The following DEUP1 variants were observed in gnomAD, a reference collection of about 807,000 sequenced individuals.
The protein encoded by DEUP1 is deuterosome assembly protein 1, also known as coiled-coil domain containing 67.
DEUP1 carries 82 observed loss-of-function variants against 87.4 expected under a neutral mutation model. The observed-to-expected ratio is 0.94, with a 90% CI of 0.78 to 1.13. The LOEUF (loss-of-function observed/expected upper bound fraction) is 1.13, where lower values mean the gene tolerates loss of function less well. Among genes scored for constraint, DEUP1 ranks in the 50% most tolerant of loss-of-function variants. The pLI is 0.00. For synonymous variants in DEUP1, 214 were observed against 222.7 expected, an observed-to-expected ratio of 0.96 and a Z score of 0.35; for missense variants, 663 against 681.5, an observed-to-expected ratio of 0.97 and a Z score of 0.30.
intron 13 of DEUP1, among the ~76,000 whole-genome samples, chr11:93,431,095 CAAAAAAA>C (rs10534401): frequency 2.7e-5 from 3 of 112,628 alleles, no homozygotes; most frequent in Non-Finnish European, 3.6e-5. Context: ...AACACTGTCT[CAAAAAAA>C]AAAAAAAAAA....
intron 4 of DEUP1, 137 bp downstream of exon 4, chr11:93,357,180 C>T (rs1005825746): frequency 8.3e-6 from 5 of 599,566 alleles, no homozygotes; most frequent in Non-Finnish European, 1.4e-5. Context: ...CATGTCTTTC[C>T]CTGTTTTATA....
At chr11:93,413,187 G>A (rs1947493112) in intron 12 of DEUP1, among the ~76,000 whole-genome samples, 1 of 151,080 alleles carries the variant, frequency 6.6e-6, no homozygotes, top group Non-Finnish European at 1.5e-5. Flanking sequence ...TGAACCATTA[G>A]TAAAAATAAA....
At chr11:93,357,108 G>T in intron 4 of DEUP1, 65 bp downstream of exon 4, 2 of 971,570 alleles carry the variant, frequency 2.1e-6, no homozygotes, top group East Asian at 5.4e-5. Context: ...CTGTAGAGTT[G>T]TGTTAACTTT....
At position 93,437,761 on chromosome 11, in the gene DEUP1, C is replaced by T. The variant is rs1202838198; in HGVS notation, c.*42C>T. On this transcript the variant is annotated 3_prime_UTR_variant, in exon 14 of 14. Coordinates refer to ENST00000298050, the MANE Select transcript of DEUP1 (RefSeq NM_181645.4). ...ATTTGCTTCCCCCCCCCACCCCCGC[C>T]AAGAAAAAAAGCTCTGGCAAAATAT... 3.3e-6 allele frequency: 3 copies of T among 910,980 alleles called. No homozygotes were observed. Among genetic ancestry groups the T allele is most frequent in the Non-Finnish European group, 3.3e-6 (2 of 613,776 alleles). The allele number at this position is 910,980 out of a possible 1,614,324, so 56.4% of individuals were successfully genotyped here. A position where few individuals can be genotyped will look rare whatever the true frequency, so the allele number is the denominator to read the frequency against.
Position 93,437,760 on chromosome 11 carries a change from C to CAA in DEUP1, c.*41_*42insAA. 1.1e-6 allele frequency: 1 copy of CAA among 909,956 alleles called. No individual in the cohort carries two copies. Among genetic ancestry groups the CAA allele is most frequent in the Admixed American group, 2.4e-5 (1 of 41,442 alleles). 56.4% of individuals were successfully genotyped at this position (909,956 alleles called of 1,614,324 possible). A position where few individuals can be genotyped will look rare whatever the true frequency, so the allele number is the denominator to read the frequency against. ...TATTTGCTTCCCCCCCCCACCCCCG[C>CAA]CAAGAAAAAAAGCTCTGGCAAAATA... On this transcript the variant is annotated 3_prime_UTR_variant, in exon 14 of 14. Transcript: ENST00000298050.
At chr11:93,407,647 A>G (rs1313091670) in intron 11 of DEUP1, among the ~76,000 whole-genome samples, 1 of 151,928 alleles carries the variant, frequency 6.6e-6, no homozygotes, top group East Asian at 1.9e-4. Flanking sequence ...AATACCTTAT[A>G]TTTTCTATAA....
intron 13 of DEUP1, among the ~76,000 whole-genome samples, chr11:93,433,607 A>G (rs1314318557): frequency 6.6e-6 from 1 of 152,218 alleles, no homozygotes; most frequent in East Asian, 1.9e-4. Flanking sequence ...TCTCTTTCTC[A>G]GTAAATGGCA....
chr11:93,340,906 G>A (rs1459163380), intron 2 of DEUP1, among the ~76,000 whole-genome samples: 1 of 152,208 alleles, frequency 6.6e-6, no homozygotes, highest in African/African-American at 2.4e-5. Context: ...TCCAAGTGAA[G>A]CTGCCTGTAT....
chr11:93,359,505 C>T (rs1456239), intron 4 of DEUP1, among the ~76,000 whole-genome samples: 1 of 151,896 alleles, frequency 6.6e-6, no homozygotes, highest in Non-Finnish European at 1.5e-5. Flanking sequence ...AGAGAAGAGA[C>T]AGATTGGCTA....
chr11:93,385,606 A>T (rs975827395), intron 8 of DEUP1, 63 bp downstream of exon 8: 93 of 1,330,252 alleles, frequency 7.0e-5, no homozygotes, highest in Non-Finnish European at 8.8e-5. Flanking sequence ...GAATGTTTTT[A>T]AGAGTTTTAT....
chr11:93,362,474 G>T lies in DEUP1; in HGVS notation c.298-1686G>T, dbSNP rs181959330. Among the ~76,000 whole-genome samples, 316 of 151,984 alleles carry T rather than the reference G, an allele frequency of 2.1e-3. 2 individuals are homozygous for T. Among genetic ancestry groups the T allele is most frequent in the Non-Finnish European group, 3.4e-3 (229 of 67,826 alleles). Reference sequence around the variant, plus strand: ...ACATAAAAAATGCTTAACATCATTAGTCATTAGGGATATGGAAACCAAAAC... The same window carrying T: ...ACATAAAAAATGCTTAACATCATTATTCATTAGGGATATGGAAACCAAAAC... On this transcript the variant is annotated intron_variant, in intron 4 of 13. Coordinates refer to ENST00000298050, the MANE Select transcript of DEUP1 (RefSeq NM_181645.4).
At chr11:93,393,997 A>G (rs1946856371) in intron 9 of DEUP1, among the ~76,000 whole-genome samples, 1 of 152,210 alleles carries the variant, frequency 6.6e-6, no homozygotes, top group Non-Finnish European at 1.5e-5. Context: ...TGAGAAACAA[A>G]TGTTTAGTTA....
intron 2 of DEUP1, among the ~76,000 whole-genome samples, chr11:93,351,399 G>A (rs1944620835): frequency 6.6e-6 from 1 of 152,156 alleles, no homozygotes; most frequent in South Asian, 2.1e-4. Flanking sequence ...TCTACTATGT[G>A]CTGTGGTACT....
intron 2 of DEUP1, among the ~76,000 whole-genome samples, chr11:93,336,244 G>C (rs1303700137): frequency 6.6e-6 from 1 of 152,088 alleles, no homozygotes; most frequent in South Asian, 2.1e-4. Context: ...GCAGGAGGGA[G>C]AGAGAGAGAA....
At position 93,342,961 on chromosome 11, in the gene DEUP1, G is replaced by A. The variant is rs75774664; in HGVS notation, c.29+10673G>A. On this transcript the variant is annotated intron_variant, in intron 2 of 13. Transcript: ENST00000298050. ...GATGGAATGGACTGGAGTGGAGGCA[G>A]GTTTGTGGTGCAGGGAGTCTAGTGC... Among the ~76,000 whole-genome samples the A allele has an allele frequency of 5.3e-3, 811 of 152,262 alleles. 3 individuals carry two copies. The highest frequency in any genetic ancestry group is 0.018 in the African/African-American group (764 of 41,550).
At chr11:93,377,421 TA>T (rs770771250) in intron 7 of DEUP1, among the ~76,000 whole-genome samples, 1 of 152,164 alleles carries the variant, frequency 6.6e-6, no homozygotes, top group Non-Finnish European at 1.5e-5. Flanking sequence ...TTATCTGATG[TA>T]AGAGTAGCTG....
At chr11:93,346,051 T>C (rs980629596) in intron 2 of DEUP1, among the ~76,000 whole-genome samples, 4 of 152,160 alleles carry the variant, frequency 2.6e-5, no homozygotes, top group African/African-American at 9.7e-5. Context: ...AAGGAAGGGA[T>C]CCAGTTTCAA....
chr11:93,385,621 G>A (rs1946506344), intron 8 of DEUP1, 78 bp downstream of exon 8: 3 of 1,131,214 alleles, frequency 2.7e-6, no homozygotes, highest in Non-Finnish European at 3.7e-6. Context: ...TTTTATATTT[G>A]AAATGAGAAT....
At chr11:93,409,819 G>A (rs1396338721) in intron 12 of DEUP1, among the ~76,000 whole-genome samples, 1 of 152,052 alleles carries the variant, frequency 6.6e-6, no homozygotes, top group Non-Finnish European at 1.5e-5. Context: ...TACACAACTT[G>A]TAGTTCCATA....
Sources: gnomAD v4.1 joint callset for allele counts (sites outside exome capture counted in the v4.1 genomes callset) on GRCh38, gnomAD v4.1.1 for gene constraint, MANE v1.5 for transcripts, NCBI Gene and HGNC (gene_info 2026-07-23, HGNC 2026-07-21) for gene names.